The following GYPC variants were observed in gnomAD, a reference collection of about 807,000 sequenced individuals.
The protein encoded by GYPC is glycophorin C (Gerbich blood group).
A neutral mutation model predicts 12.6 loss-of-function variants in GYPC; 14 were observed. That is an observed-to-expected ratio of 1.11 (90% CI 0.74 to 1.74). GYPC has a LOEUF of 1.74. GYPC is among the 40% of genes most tolerant of loss of function. The pLI is 0.00. For missense variants in GYPC, 225 were observed against 172.1 expected (o/e 1.31, Z -1.72); for synonymous variants, 78 against 62.1 (o/e 1.26, Z -1.20).
At chr2:126,690,450 A>G (rs36181737) in intron 2 of GYPC, 139 bp downstream of exon 2, 68 of 736,048 alleles carry the variant, frequency 9.2e-5, no homozygotes, top group South Asian at 7.1e-4. Context: ...AAGGACTTGG[A>G]CAGGGGTGGC....
At chr2:126,679,698 A>G (rs1683102703) in intron 1 of GYPC, 1 of 152,082 alleles carries the variant, frequency 6.6e-6, no homozygotes, top group Non-Finnish European at 1.5e-5. Flanking sequence ...ACCAACAAGG[A>G]GAAACCCCGT....
At chr2:126,671,892 G>A (rs978242638) in intron 1 of GYPC, among the ~76,000 whole-genome samples, 13 of 152,202 alleles carry the variant, frequency 8.5e-5, no homozygotes, top group South Asian at 2.1e-4. Context: ...CATCTTATAG[G>A]GTGGCCATAG....
intron 1 of GYPC, among the ~76,000 whole-genome samples, chr2:126,680,582 C>A (rs1185853872): frequency 6.6e-6 from 1 of 152,194 alleles, no homozygotes; most frequent in Non-Finnish European, 1.5e-5. Context: ...CAGCCTCTGA[C>A]CTGCTCCCTG....
intron 1 of GYPC, among the ~76,000 whole-genome samples, chr2:126,674,137 T>A (rs757102318): frequency 1.6e-4 from 24 of 152,112 alleles, no homozygotes; most frequent in Non-Finnish European, 2.8e-4. Context: ...CTTCTTTCCA[T>A]CCTCTTATTC....
At chr2:126,665,726 C>T (rs1428630502) in intron 1 of GYPC, among the ~76,000 whole-genome samples, 15 of 152,360 alleles carry the variant, frequency 9.8e-5, no homozygotes, top group Middle Eastern at 3.4e-3. Context: ...CCCTGGCAAG[C>T]GCCCACTCTG....
chr2:126,691,709 G>A, intron 2 of GYPC, among the ~76,000 whole-genome samples: 1 of 152,262 alleles, frequency 6.6e-6, no homozygotes, highest in East Asian at 1.9e-4. Flanking sequence ...CTGTTGCAAG[G>A]ACCATGTTAA....
In GYPC at chr2:126,696,064, G is replaced by A. The variant is rs772167890; in HGVS notation, c.309G>A (p.Glu103=). 5.0e-6 allele frequency: 8 copies of A among 1,614,054 alleles called. No homozygotes were observed. Among genetic ancestry groups the A allele is most frequent in the Admixed American group, 3.3e-5 (2 of 60,016 alleles). The change falls in exon 4 of 4, where the codon GAG becomes GAA. Residue 103 remains glutamate (E), a synonymous_variant. Coordinates refer to ENST00000259254, the MANE Select transcript of GYPC (RefSeq NM_002101.5). ...TNEAKGTEFA[E]SADAALQGDP... is the part of the protein sequence containing the mutation. ...AGGCCAAGGGCACGGAGTTTGCTGA[G>A]AGTGCAGATGCAGCCCTGCAGGGAG...
chr2:126,693,086 G>A lies in GYPC; in HGVS notation c.107-778G>A, dbSNP rs879914783. 1.0e-3 allele frequency among the ~76,000 whole-genome samples: 135 copies of A among 132,804 alleles called. 1 individual carries two copies. Among genetic ancestry groups the A allele is most frequent in the African/African-American group, 3.8e-3 (131 of 34,848 alleles). 87.1% of individuals were successfully genotyped at this position (132,804 alleles called of 152,430 possible). ...CCTGCAAAAGCTCATGTTGAAATCT[G>A]ATTCCCAAGGTGGCAGTGATGGGAG... On this transcript the variant is annotated intron_variant, in intron 2 of 3. Transcript: ENST00000259254.
At chr2:126,686,255 T>C (rs968052633) in intron 1 of GYPC, 12 of 985,462 alleles carry the variant, frequency 1.2e-5, no homozygotes, top group Non-Finnish European at 1.4e-5. Flanking sequence ...CCACTGGCCC[T>C]GAGAATCCAT....
chr2:126,673,903 C>T (rs969185853), intron 1 of GYPC, among the ~76,000 whole-genome samples: 5 of 152,154 alleles, frequency 3.3e-5, no homozygotes, highest in Admixed American at 3.3e-4. Flanking sequence ...GATTTAAGCT[C>T]GAGTCTCTGC....
chr2:126,686,373 G>C, intron 1 of GYPC: 1 of 985,820 alleles, frequency 1.0e-6, no homozygotes, highest in Non-Finnish European at 1.2e-6. Flanking sequence ...GCCTCCAGGG[G>C]TGGCTGCCTT....
intron 1 of GYPC, among the ~76,000 whole-genome samples, chr2:126,659,811 G>A (rs1218717653): frequency 1.4e-4 from 19 of 133,484 alleles, no homozygotes; most frequent in Admixed American, 1.1e-3. Flanking sequence ...ACAGAGTCTC[G>A]TGCTCTGTCA....
intron 1 of GYPC, among the ~76,000 whole-genome samples, chr2:126,674,458 G>T (rs563458471): frequency 4.7e-5 from 3 of 64,000 alleles, no homozygotes; most frequent in South Asian, 4.1e-4. Flanking sequence ...AAACAAGTGG[G>T]GGGGGAATAC....
At chr2:126,685,139 T>G (rs888431803) in intron 1 of GYPC, among the ~76,000 whole-genome samples, 3 of 152,232 alleles carry the variant, frequency 2.0e-5, no homozygotes, top group Non-Finnish European at 4.4e-5. Flanking sequence ...TAAACGCATT[T>G]GACCTTTCCT....
chr2:126,684,609 A>T (rs567789454), intron 1 of GYPC, among the ~76,000 whole-genome samples: 1 of 152,272 alleles, frequency 6.6e-6, no homozygotes, highest in South Asian at 2.1e-4. Context: ...ACCTTTTCCC[A>T]ACTTACCCAC....
intron 1 of GYPC, among the ~76,000 whole-genome samples, chr2:126,677,494 TGTGTGTATGAGA>T (rs1683032185): frequency 6.8e-6 from 1 of 148,140 alleles, no homozygotes; most frequent in African/African-American, 2.5e-5. Flanking sequence ...TGAGTCTGAG[TGTGTGTATGAGA>T]GTGTGTGTGA....
intron 1 of GYPC, among the ~76,000 whole-genome samples, chr2:126,688,042 G>A (rs1683341154): frequency 6.6e-6 from 1 of 152,208 alleles, no homozygotes; most frequent in African/African-American, 2.4e-5. Context: ...CTGGGACGCA[G>A]CTGCCAAATC....
intron 2 of GYPC, among the ~76,000 whole-genome samples, chr2:126,690,534 TATAC>T (rs2104805797): frequency 6.6e-6 from 1 of 152,258 alleles, no homozygotes; most frequent in Non-Finnish European, 1.5e-5. Context: ...GGTAAATAAA[TATAC>T]ATAGGTATGT....
chr2:126,686,540 G>A, intron 1 of GYPC: 1 of 985,376 alleles, frequency 1.0e-6, no homozygotes, highest in Non-Finnish European at 1.2e-6. Flanking sequence ...TTCCCCAGAA[G>A]GCTTTCAAAC....
Sources: allele counts gnomAD v4.1 joint callset (sites outside exome capture counted in the v4.1 genomes callset), GRCh38; gene constraint gnomAD v4.1.1; transcripts MANE v1.5; gene names NCBI Gene and HGNC (gene_info 2026-07-23, HGNC 2026-07-21).